Variants in NECAB1 observed in about 807,000 individuals in gnomAD.
The protein encoded by NECAB1 is N-terminal EF-hand calcium binding protein 1.
In NECAB1, 29 loss-of-function variants were observed where a neutral mutation model predicts 57.5. The ratio of observed to expected loss-of-function variants is 0.50; its 90% confidence interval spans 0.38 to 0.69. The LOEUF (loss-of-function observed/expected upper bound fraction) is 0.69. Ranked by LOEUF, NECAB1 falls within the 30% of genes least tolerant of loss-of-function variation. The pLI, the probability that NECAB1 is intolerant of heterozygous loss-of-function variation, is 0.00. For synonymous variants in NECAB1, 142 were observed against 147.7 expected (o/e 0.96, Z 0.28); for missense variants, 372 against 413.8 (o/e 0.90, Z 0.88).
intron 2 of NECAB1, among the ~76,000 whole-genome samples, chr8:90,805,557 C>T (rs1210747730): frequency 6.6e-6 from 1 of 151,222 alleles, no homozygotes; most frequent in Non-Finnish European, 1.5e-5. Context: ...TAAAGATAGC[C>T]TTCAGAGTAG....
chr8:90,848,661 C>T (rs113257653), intron 3 of NECAB1, among the ~76,000 whole-genome samples: 6 of 152,184 alleles, frequency 3.9e-5, no homozygotes, highest in Admixed American at 1.3e-4. Flanking sequence ...GCAGGCAAGA[C>T]AGCTTGTGCA....
At chr8:90,802,296 G>A (rs1811770163) in intron 2 of NECAB1, among the ~76,000 whole-genome samples, 1 of 152,212 alleles carries the variant, frequency 6.6e-6, no homozygotes, top group East Asian at 1.9e-4. Flanking sequence ...TAGCAACAGA[G>A]AAGTAGGAGA....
chr8:90,837,209 G>A (rs987899471), intron 3 of NECAB1, among the ~76,000 whole-genome samples: 8 of 152,214 alleles, frequency 5.3e-5, no homozygotes, highest in Admixed American at 5.2e-4. Context: ...AGCCACCTAA[G>A]GAAATAATAT....
chr8:90,869,636 G>A (rs931238884), intron 3 of NECAB1, among the ~76,000 whole-genome samples: 12 of 152,162 alleles, frequency 7.9e-5, no homozygotes, highest in South Asian at 2.1e-4. Flanking sequence ...TGTGTTGGCC[G>A]ATTTCTCCTT....
chr8:90,800,032 A>C (rs1474186539), intron 1 of NECAB1, among the ~76,000 whole-genome samples: 2 of 152,034 alleles, frequency 1.3e-5, no homozygotes, highest in African/African-American at 4.8e-5. Flanking sequence ...TCTTTGGTTA[A>C]ATGTATTCCT....
intron 3 of NECAB1, among the ~76,000 whole-genome samples, chr8:90,854,502 A>G (rs1504795): frequency 0.47 from 70,960 of 152,032 alleles, 20,057 homozygotes; most frequent in East Asian, 0.77. Context: ...AAAAATACCA[A>G]GGAATCCTGA....
chr8:90,937,936 T>C (rs940756959), intron 9 of NECAB1, among the ~76,000 whole-genome samples: 2 of 152,140 alleles, frequency 1.3e-5, no homozygotes. Context: ...TATCAAAATA[T>C]AAGTCTTGTT....
intron 2 of NECAB1, among the ~76,000 whole-genome samples, chr8:90,807,822 T>C (rs1435922985): frequency 6.6e-6 from 1 of 152,168 alleles, no homozygotes; most frequent in Non-Finnish European, 1.5e-5. Flanking sequence ...ACTACACATC[T>C]ACCAGCTCGA....
Position 90,897,240 on chromosome 8 carries a change from C to T in NECAB1, c.357+16110C>T, listed in dbSNP as rs571062120. Among the ~76,000 whole-genome samples, 22 of 152,250 alleles carry T rather than the reference C, an allele frequency of 1.4e-4. 1 individual carries two copies. In the South Asian group the frequency reaches 3.1e-3, roughly 22 times the overall value. ...TTACTATAGGTCCACCACTTATCTGCGATTCCAAAATCCAAAAGCTTCTGA... is the reference window on the plus strand; with the variant it reads ...TTACTATAGGTCCACCACTTATCTGTGATTCCAAAATCCAAAAGCTTCTGA... On this transcript the variant is annotated intron_variant, in intron 5 of 12. Coordinates refer to ENST00000417640, the MANE Select transcript of NECAB1 (RefSeq NM_022351.5).
At chr8:90,883,827 A>C (rs1808904986) in intron 5 of NECAB1, among the ~76,000 whole-genome samples, 2 of 152,180 alleles carry the variant, frequency 1.3e-5, no homozygotes, top group African/African-American at 2.4e-5. Context: ...CATACACACA[A>C]AAAAATAGCT....
At chr8:90,900,187 T>TA (rs1166830578) in intron 5 of NECAB1, among the ~76,000 whole-genome samples, 2 of 152,182 alleles carry the variant, frequency 1.3e-5, no homozygotes, top group African/African-American at 4.8e-5. Flanking sequence ...TTAGTCTTTA[T>TA]ATACCAATAT....
intron 2 of NECAB1, among the ~76,000 whole-genome samples, chr8:90,817,172 A>G (rs1037375093): frequency 2.0e-5 from 3 of 151,714 alleles, no homozygotes; most frequent in African/African-American, 7.2e-5. Context: ...TGACTTTGGT[A>G]TATTTGCTTT....
At chr8:90,919,522 C>A (rs1037492363) in intron 6 of NECAB1, among the ~76,000 whole-genome samples, 8 of 152,174 alleles carry the variant, frequency 5.3e-5, no homozygotes, top group Non-Finnish European at 8.8e-5. Flanking sequence ...CTAATGAGCC[C>A]ATGCAGCTGA....
chr8:90,906,876 C>CATATATATATATATATATATATAT (rs57808023), intron 5 of NECAB1, among the ~76,000 whole-genome samples: 2 of 121,760 alleles, frequency 1.6e-5, no homozygotes, highest in African/African-American at 3.2e-5. Flanking sequence ...ATGATATACA[C>CATATATATATATATATATATATAT]ATATATATAT....
intron 3 of NECAB1, among the ~76,000 whole-genome samples, chr8:90,832,445 T>C (rs1213025817): frequency 2.0e-5 from 3 of 152,138 alleles, no homozygotes; most frequent in African/African-American, 7.2e-5. Context: ...TTTTTTCAAA[T>C]GACATGGAAA....
intron 10 of NECAB1, among the ~76,000 whole-genome samples, chr8:90,944,147 T>G (rs372935282): frequency 3.6e-4 from 55 of 152,340 alleles, no homozygotes; most frequent in African/African-American, 1.3e-3. Flanking sequence ...AAAGTTTGTC[T>G]GACTCTAAAA....
chr8:90,852,406 AC>A (rs35184376), intron 3 of NECAB1, among the ~76,000 whole-genome samples: 62,917 of 151,942 alleles, frequency 0.41, 14,851 homozygotes, highest in East Asian at 0.77. Context: ...TTGTACATAC[AC>A]ACTGGTTGTA....
At chr8:90,848,482 A>G (rs1166766227) in intron 3 of NECAB1, among the ~76,000 whole-genome samples, 1 of 152,140 alleles carries the variant, frequency 6.6e-6, no homozygotes, top group African/African-American at 2.4e-5. Flanking sequence ...ACTACTGGGT[A>G]CCAATTTATT....
At chr8:90,899,700 C>G (rs1174818352) in intron 5 of NECAB1, among the ~76,000 whole-genome samples, 1 of 152,134 alleles carries the variant, frequency 6.6e-6, no homozygotes, top group Non-Finnish European at 1.5e-5. Context: ...TGATATTGTA[C>G]AGTACATTTG....
Sources: allele counts gnomAD v4.1 joint callset (sites outside exome capture counted in the v4.1 genomes callset), GRCh38; gene constraint gnomAD v4.1.1; transcripts MANE v1.5; gene names NCBI Gene and HGNC (gene_info 2026-07-23, HGNC 2026-07-21).